The following TET1 variants were observed in gnomAD, a reference collection of about 807,000 sequenced individuals.
The protein encoded by TET1 is methylcytosine dioxygenase TET1.
A neutral mutation model predicts 148.7 loss-of-function variants in TET1; 13 were observed. The ratio of observed to expected loss-of-function variants is 0.09; its 90% CI spans 0.06 to 0.14. The LOEUF (loss-of-function observed/expected upper bound fraction) is 0.14. TET1 is among the 10% of genes least tolerant of loss of function. TET1 has a pLI of 1.00. For missense variants in TET1, 2,182 were observed against 2,553.8 expected (o/e 0.85, Z 3.14); for synonymous variants, 907 against 937.2 (o/e 0.97, Z 0.59).
Position 68,586,064 on chromosome 10 carries a change from AG to A in TET1, c.1914+11813del, listed in dbSNP as rs2053857726. Among the ~76,000 whole-genome samples the A allele has an allele frequency of 2.6e-5, 4 of 151,896 alleles. No homozygotes were observed. In the East Asian group the frequency reaches 7.7e-4, roughly 29 times the overall value. ...TTGTTCTGTCCCCAGGCTAAGCTGC[AG>A]TGGCATGGTCATAGCTCACTGTAAC... On this transcript the variant is annotated intron_variant, in intron 2 of 11. Coordinates refer to ENST00000373644, the MANE Select transcript of TET1 (RefSeq NM_030625.3).
At position 68,573,714 on chromosome 10, in the gene TET1, G is replaced by A; in HGVS notation, c.1376G>A (p.Gly459Glu). 6.2e-7 allele frequency: 1 copy of A among 1,614,034 alleles called. No individual in the cohort carries two copies. The highest frequency in any genetic ancestry group is 1.1e-5 in the South Asian group (1 of 91,070). Residue 459 changes from glycine (G) to glutamate (E), a missense_variant, in exon 2 of 12, where the codon GGA (glycine) becomes GAA (glutamate). Physicochemically the swap from Gly to Glu is moderately conservative, Grantham distance 98 (BLOSUM62 -2). Transcript: ENST00000373644. ...WPEPQSTVSYGLAVQGAIQIL... is the reference protein window; with the variant it reads ...WPEPQSTVSYELAVQGAIQIL... ...GAGCCCCAAAGCACTGTCTCATATG[G>A]ACTTGCAGTCCAGGGTGCTATACAG...
chr10:68,561,452 C>T (rs1037256215), intron 1 of TET1, among the ~76,000 whole-genome samples: 1 of 152,160 alleles, frequency 6.6e-6, no homozygotes, highest in Admixed American at 6.5e-5. Flanking sequence ...GTCAAAATGG[C>T]ATTTAAGAAA....
At chr10:68,594,978 C>A (rs1467509268) in intron 2 of TET1, among the ~76,000 whole-genome samples, 1 of 91,034 alleles carries the variant, frequency 1.1e-5, no homozygotes. Context: ...AAGACACCAT[C>A]TCAAAAAAAA....
rs12246268 is a variant in TET1 at position 68,608,862 on chromosome 10, T to A, written c.1968+7828T>A. Among the ~76,000 whole-genome samples, 1,341 of 151,814 alleles carry A rather than the reference T, an allele frequency of 8.8e-3. 11 individuals are homozygous for A. Among genetic ancestry groups the A allele is most frequent in the African/African-American group, 0.02 (816 of 41,424 alleles). Reference sequence around the variant, plus strand: ...TATTTATTTTTTAATTAAAAAAAAATTTTTTTTAATACAAAAGAGGGGTCT... The same window carrying A: ...TATTTATTTTTTAATTAAAAAAAAAATTTTTTTAATACAAAAGAGGGGTCT... On this transcript the variant is annotated intron_variant, in intron 3 of 11. Transcript: ENST00000373644.
chr10:68,608,686 C>A (rs985688143), intron 3 of TET1, among the ~76,000 whole-genome samples: 3 of 152,184 alleles, frequency 2.0e-5, no homozygotes, highest in African/African-American at 7.2e-5. Context: ...AAGTGTGTGC[C>A]ACCAAGCCCA....
intron 1 of TET1, among the ~76,000 whole-genome samples, chr10:68,570,133 C>T (rs1453028670): frequency 2.0e-5 from 3 of 151,148 alleles, no homozygotes; most frequent in Non-Finnish European, 4.4e-5. Flanking sequence ...GAGATGGAGT[C>T]TTGCTCTGTC....
At chr10:68,600,918 G>C (rs2054046831) in intron 2 of TET1, 63 bp from the exon 3 acceptor site, 2 of 1,465,994 alleles carry the variant, frequency 1.4e-6, no homozygotes, top group East Asian at 4.6e-5. Context: ...AAAAATTTTG[G>C]GGATGTGGGA....
chr10:68,638,129 GGGCACT>G (rs1424012946), intron 3 of TET1, among the ~76,000 whole-genome samples: 1 of 152,066 alleles, frequency 6.6e-6, no homozygotes, highest in Non-Finnish European at 1.5e-5. Context: ...CAGTGGTACT[GGGCACT>G]GTATGGTGGT....
Position 68,577,337 on chromosome 10 carries a change from G to A in TET1, c.1914+3085G>A, listed in dbSNP as rs974699376. Among the ~76,000 whole-genome samples the A allele has an allele frequency of 3.9e-5, 6 of 152,008 alleles. No individual in the cohort carries two copies. In the South Asian group the frequency reaches 8.3e-4, roughly 21 times the overall value. Reference sequence around the variant, plus strand: ...GCTGGGATTACAGGCGTGAGCCACCGTGCCTGGCCTTCTATTTCATTCTTG... The same window carrying A: ...GCTGGGATTACAGGCGTGAGCCACCATGCCTGGCCTTCTATTTCATTCTTG... On this transcript the variant is annotated intron_variant, in intron 2 of 11. Coordinates refer to ENST00000373644, the MANE Select transcript of TET1 (RefSeq NM_030625.3).
Position 68,597,030 on chromosome 10 carries a change from AT to A in TET1, c.1915-3930del, listed in dbSNP as rs553591899. On this transcript the variant is annotated intron_variant, in intron 2 of 11. Coordinates refer to ENST00000373644, the MANE Select transcript of TET1 (RefSeq NM_030625.3). ...ATTTTCATGATCACACAGCTAATGG[AT>A]TTTTTTTTTTTTTTTTTTTTGAGAC... 6.1e-3 allele frequency among the ~76,000 whole-genome samples: 603 copies of A among 98,854 alleles called. 6 individuals are homozygous for A. Among genetic ancestry groups the A allele is most frequent in the African/African-American group, 0.021 (485 of 22,560 alleles). 64.9% of individuals were successfully genotyped at this position (98,854 alleles called of 152,430 possible).
intron 6 of TET1, among the ~76,000 whole-genome samples, chr10:68,652,853 T>C (rs1388530637): frequency 6.8e-6 from 1 of 147,244 alleles, no homozygotes; most frequent in Non-Finnish European, 1.5e-5. Context: ...TAATTTTTTT[T>C]TTTTTTTTTT....
At chr10:68,675,240 T>A (rs980062160) in intron 8 of TET1, 6 of 212,242 alleles carry the variant, frequency 2.8e-5, no homozygotes. Flanking sequence ...ATGTATGGAT[T>A]TCATAATAAT....
chr10:68,617,188 A>ATT (rs61509147), intron 3 of TET1, among the ~76,000 whole-genome samples: 2 of 136,230 alleles, frequency 1.5e-5, no homozygotes, highest in South Asian at 2.4e-4. Context: ...CGCCTGGCTA[A>ATT]TTTTTTTTTG....
intron 3 of TET1, among the ~76,000 whole-genome samples, chr10:68,608,515 G>A (rs1336285858): frequency 5.9e-5 from 9 of 151,856 alleles, no homozygotes; most frequent in Admixed American, 2.6e-4. Context: ...GATTATAGGC[G>A]TGAGCCACCG....
chr10:68,634,774 G>A (rs1042046481), intron 3 of TET1, among the ~76,000 whole-genome samples: 2 of 152,004 alleles, frequency 1.3e-5, no homozygotes, highest in African/African-American at 4.8e-5. Context: ...TTGTTTGTTT[G>A]TTTGTTTTGA....
At chr10:68,679,954 ATGAGCCACTGTGCCCAGC>A (rs1167450926) in intron 8 of TET1, among the ~76,000 whole-genome samples, 2 of 152,116 alleles carry the variant, frequency 1.3e-5, no homozygotes, top group East Asian at 3.9e-4. Context: ...GATTACAGGC[ATGAGCCACTGTGCCCAGC>A]TGACTTTCCT....
intron 2 of TET1, among the ~76,000 whole-genome samples, chr10:68,576,380 G>A (rs2053731512): frequency 1.3e-5 from 2 of 151,024 alleles, no homozygotes; most frequent in African/African-American, 4.9e-5. Flanking sequence ...GTGAGGTTTA[G>A]GCCAGGCATG....
Position 68,651,405 on chromosome 10 carries a change from C to G in TET1, c.4277-441C>G, listed in dbSNP as rs189424835. 1.8e-3 allele frequency among the ~76,000 whole-genome samples: 278 copies of G among 151,934 alleles called. 2 individuals are homozygous for G. Among genetic ancestry groups the G allele is most frequent in the African/African-American group, 6.5e-3 (269 of 41,424 alleles). ...GGCGGAGCTTGCAGTGAGCCGAGAT[C>G]GCGCCACTGCACTCCAGCCTGGGCG... On this transcript the variant is annotated intron_variant, in intron 4 of 11. Coordinates refer to ENST00000373644, the MANE Select transcript of TET1 (RefSeq NM_030625.3).
rs1214857939 is a variant in TET1, at chr10:68,644,803, G to T, written c.2074G>T (p.Val692Phe). 1.9e-6 allele frequency: 3 copies of T among 1,614,018 alleles called. No homozygotes were observed. In the Admixed American group the frequency reaches 5.0e-5, roughly 27 times the overall value. Reference sequence around the variant, plus strand: ...AAAATTGGAATTGAACCCACATACTGTTGAAAATGTAACTAAAAATGAAGA... The same window carrying T: ...AAAATTGGAATTGAACCCACATACTTTTGAAAATGTAACTAAAAATGAAGA... ...EQKLELNPHT[V>F]ENVTKNEDSM... Residue 692 changes from valine (V) to phenylalanine (F), a missense_variant, in exon 4 of 12, where the codon GTT becomes TTT. This residue lies in a region of TET1 where 226 missense variants were observed against 307.4 expected (regional missense o/e 0.74). Coordinates refer to ENST00000373644, the MANE Select transcript of TET1 (RefSeq NM_030625.3).
Sources: gnomAD v4.1 joint callset for allele counts (sites outside exome capture counted in the v4.1 genomes callset) on GRCh38, gnomAD v4.1.1 for gene constraint, gnomAD v4.1.1 regional missense constraint, MANE v1.5 for transcripts, NCBI Gene and HGNC (gene_info 2026-07-23, HGNC 2026-07-21) for gene names.